The following MORF4L1 variants were observed in gnomAD, a reference collection of about 807,000 sequenced individuals.
MORF4L1 encodes mortality factor 4 like 1.
Under a neutral mutation model 52.9 loss-of-function variants are expected in MORF4L1, and 4 were observed. The observed-to-expected ratio is 0.08, with a 90% CI of 0.04 to 0.17. The LOEUF (loss-of-function observed/expected upper bound fraction) is 0.17. Ranked by LOEUF, MORF4L1 falls within the 10% of genes least tolerant of loss-of-function variation. The pLI is 1.00. For synonymous variants in MORF4L1, 123 were observed against 134.8 expected (o/e 0.91, Z 0.61); for missense variants, 214 against 390.4 (o/e 0.55, Z 3.81).
intron 10 of MORF4L1, 103 bp from the exon 11 acceptor site, chr15:78,894,717 G>A (rs2056857211): frequency 4.4e-6 from 4 of 914,368 alleles, no homozygotes; most frequent in South Asian, 4.3e-5. Context: ...CTAAAATCAT[G>A]TATTTTAAAG....
At chr15:78,889,988 C>T (rs764724923) in intron 5 of MORF4L1, among the ~76,000 whole-genome samples, 3 of 151,716 alleles carry the variant, frequency 2.0e-5, no homozygotes, top group Non-Finnish European at 2.9e-5. Flanking sequence ...TTTGGAAGGC[C>T]GAGGTATGCG....
intron 1 of MORF4L1, among the ~76,000 whole-genome samples, chr15:78,875,297 G>T (rs1481198654): frequency 6.6e-6 from 1 of 152,232 alleles, no homozygotes; most frequent in Non-Finnish European, 1.5e-5. Context: ...GTTAAGAGAG[G>T]AGTAGCAGCA....
At chr15:78,887,781 C>A (rs75268049) in intron 5 of MORF4L1, among the ~76,000 whole-genome samples, 3 of 152,182 alleles carry the variant, frequency 2.0e-5, no homozygotes, top group South Asian at 4.1e-4. Flanking sequence ...CCTAAGAAAA[C>A]CATTGCTTTT....
At chr15:78,881,491 GC>G (rs1414388749) in intron 3 of MORF4L1, among the ~76,000 whole-genome samples, 5 of 27,590 alleles carry the variant, frequency 1.8e-4, no homozygotes, top group Admixed American at 5.2e-4. Flanking sequence ...CCACTGCCCG[GC>G]CTTTTTGTGT....
chr15:78,879,206 C>T (rs1489676925), intron 2 of MORF4L1, among the ~76,000 whole-genome samples: 1 of 152,046 alleles, frequency 6.6e-6, no homozygotes, highest in Non-Finnish European at 1.5e-5. Context: ...CTCTCTCTCT[C>T]TTTATTTTTA....
chr15:78,873,719 A>G (rs1464984757), intron 1 of MORF4L1: 1 of 153,632 alleles, frequency 6.5e-6, no homozygotes, highest in Non-Finnish European at 1.5e-5. Context: ...CCCTCCGCAT[A>G]CCACAGAGTG....
intron 3 of MORF4L1, among the ~76,000 whole-genome samples, chr15:78,882,891 C>T (rs1018664800): frequency 1.3e-5 from 2 of 151,982 alleles, no homozygotes; most frequent in African/African-American, 4.8e-5. Context: ...GTAGACACCC[C>T]TCTTATAATT....
intron 3 of MORF4L1, among the ~76,000 whole-genome samples, chr15:78,881,890 T>G (rs2056609467): frequency 6.6e-6 from 1 of 152,190 alleles, no homozygotes; most frequent in African/African-American, 2.4e-5. Context: ...TGATGAGTAT[T>G]CTGTTACTAT....
intron 11 of MORF4L1, among the ~76,000 whole-genome samples, chr15:78,895,607 CA>C (rs1323273687): frequency 1.3e-5 from 2 of 152,100 alleles, no homozygotes; most frequent in African/African-American, 4.8e-5. Flanking sequence ...TCCATGTTTT[CA>C]ATTGAAAAAC....
chr15:78,882,918 TA>T (rs1211668644), intron 3 of MORF4L1, among the ~76,000 whole-genome samples: 1 of 151,878 alleles, frequency 6.6e-6, no homozygotes, highest in Non-Finnish European at 1.5e-5. Flanking sequence ...ATAAAAATTT[TA>T]AAAAAGTGTT....
chr15:78,889,848 T>TTATA lies in MORF4L1; in HGVS notation c.324-1140_324-1137dup, dbSNP rs1268957183. ...TACAGAAAAGTAAAAAATCCAGGTG[T>TTATA]TATAGTATCTTTCCATCGAAAGTAA... On this transcript the variant is annotated intron_variant, in intron 5 of 11. Coordinates refer to ENST00000426013, the MANE Select transcript of MORF4L1 (RefSeq NM_006791.4). Among the ~76,000 whole-genome samples, 9 of 152,324 alleles carry TTATA rather than the reference T, an allele frequency of 5.9e-5. No individual in the cohort carries two copies. The East Asian group carries it at 1.5e-3, about 26-fold the overall frequency.
In MORF4L1 at chr15:78,891,027, ACTTT is replaced by A. The variant is rs1315596309; in HGVS notation, c.349+17_349+20del. On this transcript the variant is annotated intron_variant, in intron 6 of 11. Transcript: ENST00000426013. ...AACAAACAGAAAAGTAAGAATATTAACTTTCTTAACGTTAATTTATGTTACCTCT... is the reference window on the plus strand; with the variant it reads ...AACAAACAGAAAAGTAAGAATATTAACTTAACGTTAATTTATGTTACCTCT... The A allele has an allele frequency of 2.0e-6, 3 of 1,474,658 alleles. No individual in the cohort carries two copies. The African/African-American group carries it at 4.2e-5, about 21-fold the overall frequency. The allele number at this position is 1,474,658 out of a possible 1,614,324, so 91.3% of individuals were successfully genotyped here. A position where few individuals can be genotyped will look rare whatever the true frequency, so the allele number is the denominator to read the frequency against.
At chr15:78,876,298 TAA>T (rs1368022172) in intron 1 of MORF4L1, among the ~76,000 whole-genome samples, 1 of 152,164 alleles carries the variant, frequency 6.6e-6, no homozygotes, top group African/African-American at 2.4e-5. Context: ...CGTAAACTTA[TAA>T]AAAAGTTTTT....
chr15:78,889,085 A>G (rs1425951635), intron 5 of MORF4L1, among the ~76,000 whole-genome samples: 1 of 152,244 alleles, frequency 6.6e-6, no homozygotes, highest in Non-Finnish European at 1.5e-5. Context: ...AGTTATTTGC[A>G]TTTGAATACA....
intron 11 of MORF4L1, among the ~76,000 whole-genome samples, chr15:78,896,067 C>G (rs1186733358): frequency 6.6e-6 from 1 of 152,162 alleles, no homozygotes; most frequent in East Asian, 1.9e-4. Flanking sequence ...CAACCTCCGC[C>G]TCTTGGGTTC....
intron 3 of MORF4L1, chr15:78,885,198 G>T (rs1022732906): frequency 1.2e-6 from 1 of 811,416 alleles, no homozygotes; most frequent in Non-Finnish European, 1.9e-6. Context: ...TTAAACAAAA[G>T]AAAGTCTTAA....
intron 1 of MORF4L1, among the ~76,000 whole-genome samples, chr15:78,874,615 G>A (rs1269133661): frequency 1.6e-5 from 2 of 127,750 alleles, no homozygotes; most frequent in African/African-American, 6.1e-5. Context: ...ATTTTTGGTA[G>A]AGACGGGGTT....
At chr15:78,896,615 A>AT (rs59867680) in intron 11 of MORF4L1, among the ~76,000 whole-genome samples, 4,434 of 149,488 alleles carry the variant, frequency 0.03, 238 homozygotes, top group African/African-American at 0.1. Context: ...GCTGATAACG[A>AT]TTTTTTTTTT....
chr15:78,884,662 C>A (rs35560673), intron 3 of MORF4L1, among the ~76,000 whole-genome samples: 62 of 19,492 alleles, frequency 3.2e-3, no homozygotes, highest in East Asian at 0.011. Flanking sequence ...AAAAAAAATA[C>A]ACACACACAC....
Sources: gnomAD v4.1 joint callset for allele counts (sites outside exome capture counted in the v4.1 genomes callset) on GRCh38, gnomAD v4.1.1 for gene constraint, MANE v1.5 for transcripts, NCBI Gene and HGNC (gene_info 2026-07-23, HGNC 2026-07-21) for gene names.